The following NUMB variants were observed in gnomAD, a reference collection of about 807,000 sequenced individuals.
The protein encoded by NUMB is NUMB endocytic adaptor protein.
Under a neutral mutation model 59.7 loss-of-function variants are expected in NUMB, and 29 were observed. That is an observed-to-expected ratio of 0.49 (90% confidence interval 0.36 to 0.66). The LOEUF is 0.66. Among genes scored for constraint, NUMB ranks in the 30% least tolerant of loss-of-function variants. NUMB has a pLI of 0.00. For missense variants in NUMB, 723 were observed against 822.0 expected, an observed-to-expected ratio of 0.88 and a Z score of 1.47; for synonymous variants, 288 against 288.2, an observed-to-expected ratio of 1.00 and a Z score of 0.01.
At chr14:73,389,716 A>G (rs1284230904) in intron 2 of NUMB, among the ~76,000 whole-genome samples, 1 of 152,240 alleles carries the variant, frequency 6.6e-6, no homozygotes, top group Non-Finnish European at 1.5e-5. Flanking sequence ...TTCAAAGATA[A>G]GGAAGTTCAC....
chr14:73,435,531 C>T (rs1326206793), intron 1 of NUMB, among the ~76,000 whole-genome samples: 1 of 151,448 alleles, frequency 6.6e-6, no homozygotes, highest in Non-Finnish European at 1.5e-5. Flanking sequence ...GCCTCAGCCT[C>T]CCAATGTGCT....
intron 5 of NUMB, among the ~76,000 whole-genome samples, chr14:73,320,398 T>C (rs949202468): frequency 4.6e-5 from 7 of 152,178 alleles, no homozygotes. Context: ...AACTTTCTTT[T>C]TTATTATTTA....
chr14:73,398,415 A>AGTGT lies in NUMB; in HGVS notation c.-101+11518_-101+11521dup, dbSNP rs57407662. Among the ~76,000 whole-genome samples, 353 of 118,866 alleles carry AGTGT rather than the reference A, an allele frequency of 3.0e-3. 4 individuals are homozygous for AGTGT. Among genetic ancestry groups the AGTGT allele is most frequent in the South Asian group, 0.028 (103 of 3,660 alleles). 78.0% of individuals were successfully genotyped at this position (118,866 alleles called of 152,430 possible). ...CACAGAGAGAGAGAGAGAGAGAGAG[A>AGTGT]GTGTGTGTGTGTGTGTGTGTGTGTG... On this transcript the variant is annotated intron_variant, in intron 2 of 12. Coordinates refer to ENST00000555238, the MANE Select transcript of NUMB (RefSeq NM_001005743.2).
At chr14:73,277,423 A>ATAGG in intron 12 of NUMB, 130 bp from the exon 13 acceptor site, 1 of 745,122 alleles carries the variant, frequency 1.3e-6, no homozygotes. Context: ...TGTGGTTTTG[A>ATAGG]TAGGTAGGAG....
chr14:73,321,750 G>C (rs1307202366), intron 5 of NUMB, among the ~76,000 whole-genome samples: 1 of 152,124 alleles, frequency 6.6e-6, no homozygotes, highest in Non-Finnish European at 1.5e-5. Flanking sequence ...GACTAGCAAA[G>C]GCTTGAATCA....
chr14:73,407,639 C>T (rs1025913916), intron 2 of NUMB, among the ~76,000 whole-genome samples: 24 of 152,270 alleles, frequency 1.6e-4, no homozygotes, highest in African/African-American at 5.8e-4. Flanking sequence ...GGAAATAGTG[C>T]TGAACCGACT....
At chr14:73,319,743 A>G (rs896311571) in intron 5 of NUMB, among the ~76,000 whole-genome samples, 9 of 152,218 alleles carry the variant, frequency 5.9e-5, no homozygotes, top group Admixed American at 5.2e-4. Context: ...AAAAATCAGG[A>G]ATACATGTGG....
At position 73,341,107 on chromosome 14, in the gene NUMB, C is replaced by T. The variant is rs562399201; in HGVS notation, c.126+14519G>A. ...ACTGTGAGTCAATTAAACCTCTTTCCTTTATAAATTACCCATCTTAGGTAT... is the reference window on the plus strand; with the variant it reads ...ACTGTGAGTCAATTAAACCTCTTTCTTTTATAAATTACCCATCTTAGGTAT... On this transcript the variant is annotated intron_variant, in intron 4 of 12. Coordinates refer to ENST00000555238, the MANE Select transcript of NUMB (RefSeq NM_001005743.2). 7.0e-4 allele frequency among the ~76,000 whole-genome samples: 106 copies of T among 152,270 alleles called. 1 individual carries two copies. The highest frequency in any genetic ancestry group is 7.2e-4 in the Admixed American group (11 of 15,292).
chr14:73,325,083 A>C (rs1292873442), intron 4 of NUMB, among the ~76,000 whole-genome samples: 2 of 152,232 alleles, frequency 1.3e-5, no homozygotes, highest in African/African-American at 4.8e-5. Flanking sequence ...ATAGCCAATC[A>C]CTAGTCAATG....
chr14:73,389,464 A>C (rs1437119734), intron 2 of NUMB, among the ~76,000 whole-genome samples: 1 of 151,726 alleles, frequency 6.6e-6, no homozygotes, highest in Non-Finnish European at 1.5e-5. Flanking sequence ...CTGGGACTAC[A>C]GGTGCGTGCC....
At chr14:73,422,480 G>A (rs1897391845) in intron 1 of NUMB, among the ~76,000 whole-genome samples, 1 of 152,062 alleles carries the variant, frequency 6.6e-6, no homozygotes, top group South Asian at 2.1e-4. Flanking sequence ...TGGTAAAGAA[G>A]GTCTATTTGT....
rs540457001 is a variant in NUMB, at chr14:73,308,229, A to G, written c.234+8161T>C. Among the ~76,000 whole-genome samples, 4 of 152,296 alleles carry G rather than the reference A, an allele frequency of 2.6e-5. No individual in the cohort carries two copies. In the South Asian group the frequency reaches 8.3e-4, roughly 32 times the overall value. On this transcript the variant is annotated intron_variant, in intron 6 of 12. Coordinates refer to ENST00000555238, the MANE Select transcript of NUMB (RefSeq NM_001005743.2). ...ATTAGGTTCTTGAAGGCTGAAGCAG[A>G]CAGGAACTGTTGATGGAGTGGATGT...
chr14:73,340,568 G>T (rs1473565151), intron 4 of NUMB, among the ~76,000 whole-genome samples: 1 of 152,156 alleles, frequency 6.6e-6, no homozygotes, highest in Non-Finnish European at 1.5e-5. Context: ...CTGCTTTGTT[G>T]TTTGCTGTAT....
chr14:73,316,893 A>G (rs903914402), intron 5 of NUMB, among the ~76,000 whole-genome samples: 15 of 152,240 alleles, frequency 9.9e-5, no homozygotes, highest in Non-Finnish European at 1.9e-4. Context: ...AAAAGTCCAC[A>G]TTCAAATGAC....
At position 73,390,638 on chromosome 14, in the gene NUMB, C is replaced by CTTT. The variant is rs55831976; in HGVS notation, c.-101+19296_-101+19298dup. On this transcript the variant is annotated intron_variant, in intron 2 of 12. Transcript: ENST00000555238. ...ATTTCCTTGAGGACAAAAACAAAGT[C>CTTT]TTTTTTTTTTTTTTTTTTTTTTTTT... is the stretch of plus-strand genomic sequence containing the variant. Among the ~76,000 whole-genome samples, 380 of 39,412 alleles carry CTTT rather than the reference C, an allele frequency of 9.6e-3. 61 individuals are homozygous for CTTT. Among genetic ancestry groups the CTTT allele is most frequent in the African/African-American group, 0.012 (135 of 10,904 alleles). 25.9% of individuals were successfully genotyped at this position (39,412 alleles called of 152,430 possible). A position where few individuals can be genotyped will look rare whatever the true frequency, so the allele number is the denominator to read the frequency against.
intron 3 of NUMB, among the ~76,000 whole-genome samples, chr14:73,363,640 T>G (rs1055416682): frequency 6.6e-6 from 1 of 152,090 alleles, no homozygotes; most frequent in Non-Finnish European, 1.5e-5. Flanking sequence ...CACCTGTGAA[T>G]GAACATAGAT....
intron 12 of NUMB, 46 bp downstream of exon 12, chr14:73,279,235 A>G: frequency 6.2e-7 from 1 of 1,612,220 alleles, no homozygotes; most frequent in Middle Eastern, 1.7e-4. Flanking sequence ...AACCAGGGTC[A>G]CTTATCTGAT....
At chr14:73,405,003 C>T (rs1347827369) in intron 2 of NUMB, among the ~76,000 whole-genome samples, 1 of 152,106 alleles carries the variant, frequency 6.6e-6, no homozygotes, top group Non-Finnish European at 1.5e-5. Context: ...TTGTGACCTG[C>T]CCGCCTCTGC....
intron 8 of NUMB, among the ~76,000 whole-genome samples, chr14:73,292,397 C>G (rs1594870145): frequency 6.6e-6 from 1 of 152,190 alleles, no homozygotes; most frequent in Non-Finnish European, 1.5e-5. Context: ...TAATACCATA[C>G]TCATATATGT....
Sources: allele counts gnomAD v4.1 joint callset (sites outside exome capture counted in the v4.1 genomes callset), GRCh38; gene constraint gnomAD v4.1.1; transcripts MANE v1.5; gene names NCBI Gene and HGNC (gene_info 2026-07-23, HGNC 2026-07-21).